Variants in RICTOR observed in about 807,000 individuals in gnomAD.
RICTOR encodes the protein rapamycin-insensitive companion of mTOR.
In RICTOR, 49 loss-of-function variants were observed where a neutral mutation model predicts 214.9. The ratio of observed to expected loss-of-function variants is 0.23; its 90% confidence interval spans 0.18 to 0.29. The LOEUF is 0.29. Among genes scored for constraint, RICTOR ranks in the 10% least tolerant of loss-of-function variants. The pLI is 1.00. For missense variants in RICTOR, 1,625 were observed against 2,047.0 expected (o/e 0.79, Z 3.98); for synonymous variants, 717 against 711.3 (o/e 1.01, Z -0.13).
intron 17 of RICTOR, 81 bp downstream of exon 17, chr5:38,962,795 A>G: frequency 8.3e-7 from 1 of 1,198,376 alleles, no homozygotes; most frequent in Non-Finnish European, 1.2e-6. Flanking sequence ...GTGTAAACTC[A>G]AATACATGCA....
At chr5:39,044,896 C>CTAAA (rs1380997127) in intron 2 of RICTOR, among the ~76,000 whole-genome samples, 1 of 152,216 alleles carries the variant, frequency 6.6e-6, no homozygotes, top group Non-Finnish European at 1.5e-5. Context: ...AGATAAAGAA[C>CTAAA]TAAAGCCTAA....
Position 38,950,384 on chromosome 5 carries a change from T to C in RICTOR, c.3464A>G (p.Lys1155Arg). 1 of 1,613,384 alleles carries C rather than the reference T, an allele frequency of 6.2e-7. No individual in the cohort carries two copies. Residue 1155 changes from lysine (K) to arginine (R), a missense_variant, in exon 31 of 38, where the codon AAA (lysine) becomes AGA (arginine). Transcript: ENST00000357387. The stretch of plus-strand genomic sequence containing the variant: ...AAATGAAGTCTCTAATTGTAATGTT[T>C]TCTGTACAGTGGATATGGGTGTAAA... ...DDFTPISTVQKTLQLETSFMG... is the reference protein window; with the variant it reads ...DDFTPISTVQRTLQLETSFMG...
intron 4 of RICTOR, among the ~76,000 whole-genome samples, chr5:39,003,182 T>G (rs780718713): frequency 6.6e-6 from 1 of 152,154 alleles, no homozygotes; most frequent in African/African-American, 2.4e-5. Context: ...ATGCCTCTAT[T>G]AGTGTGCATG....
chr5:39,030,542 G>T (rs1039681020), intron 2 of RICTOR, among the ~76,000 whole-genome samples: 5 of 152,004 alleles, frequency 3.3e-5, no homozygotes, highest in African/African-American at 9.7e-5. Flanking sequence ...AGCGTTATCT[G>T]TGTAGCTCTG....
intron 5 of RICTOR, 80 bp from the exon 6 acceptor site, chr5:38,996,962 C>A: frequency 1.1e-6 from 1 of 898,690 alleles, no homozygotes; most frequent in South Asian, 1.4e-5. Flanking sequence ...TAGATGAAAC[C>A]CATTTTCACA....
chr5:38,957,219 C>A (rs1449126320), intron 25 of RICTOR, among the ~76,000 whole-genome samples: 3 of 152,106 alleles, frequency 2.0e-5, no homozygotes, highest in Non-Finnish European at 2.9e-5. Flanking sequence ...AAAGTAGTAT[C>A]CTAAAGTAAA....
intron 15 of RICTOR, among the ~76,000 whole-genome samples, chr5:38,966,368 T>C (rs1002366433): frequency 2.6e-5 from 4 of 152,236 alleles, no homozygotes; most frequent in Non-Finnish European, 5.9e-5. Context: ...ACTTTGAAAG[T>C]GAGTGTAAAA....
At chr5:39,030,498 C>T (rs1326757622) in intron 2 of RICTOR, among the ~76,000 whole-genome samples, 2 of 152,046 alleles carry the variant, frequency 1.3e-5, no homozygotes, top group Admixed American at 6.5e-5. Flanking sequence ...TACCTAAACT[C>T]TCAGTAGTTT....
At chr5:39,018,952 A>G (rs142026377) in intron 3 of RICTOR, among the ~76,000 whole-genome samples, 2 of 152,324 alleles carry the variant, frequency 1.3e-5, no homozygotes, top group African/African-American at 4.8e-5. Context: ...ACTCCAATGA[A>G]CACACAAATA....
At chr5:38,979,261 C>T (rs953348566) in intron 8 of RICTOR, among the ~76,000 whole-genome samples, 8 of 152,098 alleles carry the variant, frequency 5.3e-5, no homozygotes, top group African/African-American at 4.8e-5. Flanking sequence ...GCAATCCTCC[C>T]GCCTTAGCCT....
chr5:39,061,824 A>G (rs914644713), intron 2 of RICTOR, among the ~76,000 whole-genome samples: 4 of 152,000 alleles, frequency 2.6e-5, no homozygotes, highest in African/African-American at 9.7e-5. Context: ...CTTTTCAAAT[A>G]TATAACTTTT....
intron 2 of RICTOR, among the ~76,000 whole-genome samples, chr5:39,033,791 C>A (rs1351086728): frequency 6.6e-6 from 1 of 152,100 alleles, no homozygotes; most frequent in Non-Finnish European, 1.5e-5. Context: ...CAACATGCAA[C>A]TTAACCATAT....
At chr5:38,981,798 G>A (rs2150061312) in intron 8 of RICTOR, 69 bp downstream of exon 8, 2 of 1,064,002 alleles carry the variant, frequency 1.9e-6, no homozygotes, top group Non-Finnish European at 2.7e-6. Context: ...ATAAAATTTA[G>A]TATTTCAAAG....
chr5:39,029,106 C>A (rs1756081135), intron 2 of RICTOR, among the ~76,000 whole-genome samples: 3 of 151,872 alleles, frequency 2.0e-5, no homozygotes, highest in Admixed American at 2.0e-4. Flanking sequence ...CAATTGGAAA[C>A]AGGCAAGGGG....
chr5:38,954,858 TA>T lies in RICTOR; in HGVS notation c.2612del (p.Leu871TyrfsTer16). ...TAGGCAGGTAGACGTGAGGACGCTG[TA>T]ATCTAGTATAATAAAGATGATTACT... is the stretch of plus-strand genomic sequence containing the variant. ...DNYVRRSNQR[L>X]QRPHVYLPIH... On this transcript the variant is annotated frameshift_variant and splice_region_variant, in exon 27 of 38. Transcript: ENST00000357387. LOFTEE classifies it high-confidence loss of function. The T allele has an allele frequency of 6.6e-7, 1 of 1,509,196 alleles. No individual in the cohort carries two copies. The highest frequency in any genetic ancestry group is 9.2e-7 in the Non-Finnish European group (1 of 1,087,440). The allele number at this position is 1,509,196 out of a possible 1,614,324, so 93.5% of individuals were successfully genotyped here. A position where few individuals can be genotyped will look rare whatever the true frequency, so the allele number is the denominator to read the frequency against.
At position 38,941,940 on chromosome 5, in the gene RICTOR, C is replaced by T. The variant is rs925929156; in HGVS notation, c.*364G>A. On this transcript the variant is annotated 3_prime_UTR_variant, in exon 38 of 38. Coordinates refer to ENST00000357387, the MANE Select transcript of RICTOR (RefSeq NM_152756.5). ...TACCCTAAAAATCATTCAGAAATAA[C>T]TTGTGAAGGGTGCTTCTGCATATCC... 3 of 238,648 alleles carry T rather than the reference C, an allele frequency of 1.3e-5. No individual in the cohort carries two copies. The highest frequency in any genetic ancestry group is 2.5e-5 in the Non-Finnish European group (3 of 121,792). The allele number at this position is 238,648 out of a possible 1,614,324, so 14.8% of individuals were successfully genotyped here.
rs1306786727 is a variant in RICTOR at position 38,967,181 on chromosome 5, T to C, written c.1198A>G (p.Ile400Val). The change falls in exon 14 of 38, where the codon ATT (isoleucine) becomes GTT (valine). Residue 400 changes from isoleucine (I) to valine (V), a missense_variant. By Grantham distance (29) the Ile-to-Val change is conservative (BLOSUM62 3). Transcript: ENST00000357387. Reference protein sequence around the residue: ...NYLALILSAFIRNGLLEGLVE... With the variant: ...NYLALILSAFVRNGLLEGLVE... ...CTTACCTCTAAAAGTCCATTACGAATAAATGCAGAGAGTATCAGTGCCAAA... is the reference window on the plus strand; with the variant it reads ...CTTACCTCTAAAAGTCCATTACGAACAAATGCAGAGAGTATCAGTGCCAAA... The C allele has an allele frequency of 3.1e-6, 5 of 1,610,488 alleles. No individual in the cohort carries two copies. The highest frequency in any genetic ancestry group is 1.7e-5 in the Admixed American group (1 of 60,004).
intron 6 of RICTOR, among the ~76,000 whole-genome samples, chr5:38,992,180 C>A (rs958280438): frequency 6.6e-5 from 10 of 152,216 alleles, no homozygotes; most frequent in African/African-American, 2.4e-4. Flanking sequence ...TCAAATACAT[C>A]TCCAATAACT....
chr5:39,074,395 A>G lies in RICTOR; in HGVS notation c.-18T>C. ...GCCGCCATATTGACGGGTTTCAGTC[A>G]CAACACCGGAAACCTCGCCCAATCG... On this transcript the variant is annotated 5_prime_UTR_variant, in exon 1 of 38. Coordinates refer to ENST00000357387, the MANE Select transcript of RICTOR (RefSeq NM_152756.5). 6.5e-7 allele frequency: 1 copy of G among 1,531,616 alleles called. No individual in the cohort carries two copies. Among genetic ancestry groups the G allele is most frequent in the Non-Finnish European group, 8.8e-7 (1 of 1,138,136 alleles). The allele number at this position is 1,531,616 out of a possible 1,614,324, so 94.9% of individuals were successfully genotyped here.
Sources: allele counts gnomAD v4.1 joint callset (sites outside exome capture counted in the v4.1 genomes callset), GRCh38; gene constraint gnomAD v4.1.1; transcripts MANE v1.5; gene names NCBI Gene and HGNC (gene_info 2026-07-23, HGNC 2026-07-21).